ZFHX3: variants seen among roughly 807,000 people sequenced by gnomAD.
ZFHX3 encodes the protein zinc finger homeobox protein 3.
ZFHX3 carries 42 observed loss-of-function variants against 279.1 expected under a neutral mutation model. The observed-to-expected ratio is 0.15, with a 90% CI of 0.12 to 0.19. The LOEUF (loss-of-function observed/expected upper bound fraction) is 0.19, where lower values mean the gene tolerates loss of function less well. Among genes scored for constraint, ZFHX3 ranks in the 10% least tolerant of loss-of-function variants. The pLI, the probability that ZFHX3 is intolerant of heterozygous loss-of-function variation, is 1.00. For synonymous variants in ZFHX3, 2,293 were observed against 1,957.8 expected (o/e 1.17, Z -4.52); for missense variants, 4,981 against 4,754.0 (o/e 1.05, Z -1.40).
At position 73,108,278 on chromosome 16, in the gene ZFHX3, G is replaced by A. The variant is rs1034860796; in HGVS notation, c.-896-14680C>T. 7.2e-5 allele frequency among the ~76,000 whole-genome samples: 11 copies of A among 152,046 alleles called. 1 individual carries two copies. The highest frequency in any genetic ancestry group is 7.2e-4 in the Admixed American group (11 of 15,282). Reference sequence around the variant, plus strand: ...GGGCCTGGGAGGTTGAGGCTGCAGTGAGTGGTGATCATGCCACTGCACTTC... The same window carrying A: ...GGGCCTGGGAGGTTGAGGCTGCAGTAAGTGGTGATCATGCCACTGCACTTC... On this transcript the variant is annotated intron_variant, in intron 7 of 17. Coordinates refer to the ZFHX3 transcript ENST00000641206.
intron 7 of ZFHX3, among the ~76,000 whole-genome samples, chr16:72,805,446 C>T (rs140736639): frequency 6.6e-6 from 1 of 152,132 alleles, no homozygotes; most frequent in South Asian, 2.1e-4. Context: ...GCCTCAAATC[C>T]TTTACTTTTA....
chr16:73,017,227 C>T (rs374989436), intron 1 of ZFHX3, among the ~76,000 whole-genome samples: 16 of 149,630 alleles, frequency 1.1e-4, no homozygotes, highest in African/African-American at 3.9e-4. Flanking sequence ...TGCAAGACTC[C>T]CATCTCGAAA....
chr16:72,794,200 T>A lies in ZFHX3; in HGVS notation c.8482A>T (p.Thr2828Ser). 1 of 1,614,190 alleles carries A rather than the reference T, an allele frequency of 6.2e-7. No individual in the cohort carries two copies. Among genetic ancestry groups the A allele is most frequent in the Non-Finnish European group, 8.5e-7 (1 of 1,180,036 alleles). The change falls in exon 9 of 10, where the codon ACT (threonine) becomes TCT (serine). Residue 2828 changes from threonine (T) to serine (S), a missense_variant. Transcript: ENST00000268489. The surrounding 1 kb of genome is among the most constrained non-coding windows in gnomAD (Gnocchi z 4.2). ...GAACAGTCATCGTTGTCCAGCTTAG[T>A]TTGGTCAAAGTTTAGATTAACTGAG... is the stretch of plus-strand genomic sequence containing the variant. ...MSSVNLNFDQ[T>S]KLDNDDCSSV...
Position 72,788,803 on chromosome 16 carries a change from G to C in ZFHX3, c.9473C>G (p.Thr3158Ser), listed in dbSNP as rs1858021070. The change falls in exon 10 of 10, where the codon ACT (threonine) becomes AGT (serine). Residue 3158 changes from threonine to serine, a missense_variant. Around this residue, in one of 7 missense-constraint regions of ZFHX3, gnomAD observed 1,034 missense variants for 786.0 expected, o/e 1.32. Coordinates refer to ENST00000268489, the MANE Select transcript of ZFHX3 (RefSeq NM_006885.4). ...AGTGGGGAGGCCAGGGGAAGGAACA[G>C]TTGTGCTGGGCAGACCCATCAAGTT... ...KPNLMGLPST[T>S]VPSPGLPTSG... 4 of 1,541,832 alleles carry C rather than the reference G, an allele frequency of 2.6e-6. No homozygotes were observed. Among genetic ancestry groups the C allele is most frequent in the Non-Finnish European group, 3.5e-6 (4 of 1,147,612 alleles).
At chr16:73,798,618 G>A (rs1157849219) in intron 1 of ZFHX3, among the ~76,000 whole-genome samples, 1 of 152,064 alleles carries the variant, frequency 6.6e-6, no homozygotes. Flanking sequence ...CATCTTGTGG[G>A]AATAGCTTGT....
In ZFHX3 at chr16:73,392,382, G is replaced by A. The variant is rs188608263; in HGVS notation, c.-1291+63621C>T. ...TGCAGTAAGCTGAGATCACACCACT[G>A]TACTCCAGCCTGGGTGACAGAATGA... is the stretch of plus-strand genomic sequence containing the variant. On this transcript the variant is annotated intron_variant, in intron 3 of 17. Transcript: ENST00000641206. Among the ~76,000 whole-genome samples, 695 of 117,852 alleles carry A rather than the reference G, an allele frequency of 5.9e-3. 4 individuals carry two copies. Among genetic ancestry groups the A allele is most frequent in the Non-Finnish European group, 7.7e-3 (479 of 62,224 alleles). 77.3% of individuals were successfully genotyped at this position (117,852 alleles called of 152,430 possible). A position where few individuals can be genotyped will look rare whatever the true frequency, so the allele number is the denominator to read the frequency against.
At chr16:72,901,372 C>T (rs1354598365) in intron 3 of ZFHX3, among the ~76,000 whole-genome samples, 1 of 152,200 alleles carries the variant, frequency 6.6e-6, no homozygotes, top group African/African-American at 2.4e-5. Flanking sequence ...CCCAGAGGCT[C>T]CTCTTGAGTT....
intron 2 of ZFHX3, among the ~76,000 whole-genome samples, chr16:73,622,070 C>T (rs2143905550): frequency 6.6e-6 from 1 of 152,330 alleles, no homozygotes; most frequent in African/African-American, 2.4e-5. Flanking sequence ...TCTGGCTCAC[C>T]TGACCCAAAA....
intron 1 of ZFHX3, among the ~76,000 whole-genome samples, chr16:73,682,307 T>G (rs2053018504): frequency 6.6e-6 from 1 of 152,174 alleles, no homozygotes. Flanking sequence ...TATATATATT[T>G]TGACAATAAA....
chr16:72,920,840 T>G (rs1466218488), intron 3 of ZFHX3, among the ~76,000 whole-genome samples: 1 of 151,490 alleles, frequency 6.6e-6, no homozygotes, highest in Non-Finnish European at 1.5e-5. Context: ...GAGGCCAAGG[T>G]GGGACGATTG....
intron 1 of ZFHX3, among the ~76,000 whole-genome samples, chr16:72,962,207 C>T (rs771089714): frequency 1.6e-4 from 24 of 152,206 alleles, no homozygotes; most frequent in Admixed American, 2.6e-4. Flanking sequence ...ACTTGTTTAT[C>T]GACAGCAAAG....
rs201136219 is a variant in ZFHX3 at position 73,186,736 on chromosome 16, T to TA, written c.-1103-42906dup. Among the ~76,000 whole-genome samples the TA allele has an allele frequency of 3.4e-3, 519 of 151,814 alleles. 2 individuals are homozygous for TA. Among genetic ancestry groups the TA allele is most frequent in the African/African-American group, 0.012 (491 of 41,420 alleles). ...CTAACGATAAAGTTGTTACACAAGT[T>TA]AAAAAAAATAGGGCAACAGAAACAA... On this transcript the variant is annotated intron_variant, in intron 5 of 17. Transcript: ENST00000641206.
chr16:72,994,134 T>G lies in ZFHX3; in HGVS notation c.-49-33940A>C, dbSNP rs182079221. 7.9e-5 allele frequency among the ~76,000 whole-genome samples: 12 copies of G among 152,330 alleles called. No homozygotes were observed. In the East Asian group the frequency reaches 2.3e-3, roughly 29 times the overall value. ...CCACAACAAGGACTTTGTGCCACAC[T>G]GTGGTTTTGTTCTCTCTTAATCTTT... On this transcript the variant is annotated intron_variant, in intron 1 of 9. Coordinates refer to ENST00000268489, the MANE Select transcript of ZFHX3 (RefSeq NM_006885.4).
chr16:73,782,589 C>A (rs1263699901), intron 1 of ZFHX3, among the ~76,000 whole-genome samples: 4 of 152,190 alleles, frequency 2.6e-5, no homozygotes, highest in Admixed American at 2.6e-4. Flanking sequence ...GGGCTGCCCA[C>A]TGATTATCTG....
intron 3 of ZFHX3, chr16:73,389,252 A>G (rs1476602850): frequency 6.6e-6 from 1 of 152,220 alleles, no homozygotes; most frequent in Non-Finnish European, 1.5e-5. Context: ...TTGCTGGAAC[A>G]CAGACCTGCT....
chr16:73,216,179 C>T (rs958532211), intron 5 of ZFHX3, among the ~76,000 whole-genome samples: 1 of 152,202 alleles, frequency 6.6e-6, no homozygotes, highest in African/African-American at 2.4e-5. Flanking sequence ...CTTTGTTACA[C>T]AGCATTATTG....
intron 1 of ZFHX3, among the ~76,000 whole-genome samples, chr16:73,785,858 C>T (rs1959626843): frequency 6.6e-6 from 1 of 152,010 alleles, no homozygotes; most frequent in African/African-American, 2.4e-5. Context: ...ACTTTGTAAC[C>T]ATTTCTAATC....
chr16:73,848,389 T>G (rs1259610990), intron 1 of ZFHX3, among the ~76,000 whole-genome samples: 1 of 151,392 alleles, frequency 6.6e-6, no homozygotes, highest in African/African-American at 2.5e-5. Flanking sequence ...TTACTTGATA[T>G]CTAATAGATA....
chr16:73,453,363 G>T (rs902347260), intron 3 of ZFHX3, among the ~76,000 whole-genome samples: 3 of 152,138 alleles, frequency 2.0e-5, no homozygotes, highest in Admixed American at 1.3e-4. Flanking sequence ...GCCAGTTTGG[G>T]CCCTGCTTTT....
Sources: allele counts gnomAD v4.1 joint callset (sites outside exome capture counted in the v4.1 genomes callset), GRCh38; gene constraint gnomAD v4.1.1; regional missense constraint gnomAD v4.1.1; non-coding constraint Gnocchi (gnomAD v3.1); transcripts MANE v1.5; gene names NCBI Gene and HGNC (gene_info 2026-07-23, HGNC 2026-07-21).